The following FCRL5 variants were observed in gnomAD, a reference collection of about 807,000 sequenced individuals.
FCRL5 encodes the protein Fc receptor like 5, also known as Fc receptor-like protein 5.
FCRL5 carries 79 observed loss-of-function variants against 92.1 expected under a neutral mutation model. The ratio of observed to expected loss-of-function variants is 0.86; its 90% confidence interval spans 0.72 to 1.03. The LOEUF (loss-of-function observed/expected upper bound fraction) is 1.03, where lower values mean the gene tolerates loss of function less well. Among genes scored for constraint, FCRL5 ranks in the 50% least tolerant of loss-of-function variants. The pLI is 0.00. For missense variants in FCRL5, 1,160 were observed against 1,181.1 expected (o/e 0.98, Z 0.26); for synonymous variants, 466 against 469.3 (o/e 0.99, Z 0.09).
chr1:157,539,655 A>T (rs906183175), intron 6 of FCRL5, among the ~76,000 whole-genome samples: 28 of 152,246 alleles, frequency 1.8e-4, no homozygotes, highest in Non-Finnish European at 3.5e-4. Context: ...TTACCCTAAC[A>T]GTGTAAATTG....
chr1:157,519,841 G>A, intron 12 of FCRL5, 71 bp from the exon 13 acceptor site: 5 of 1,504,704 alleles, frequency 3.3e-6, no homozygotes, highest in Non-Finnish European at 4.6e-6. Flanking sequence ...CTCAGGCAAG[G>A]CTCACTTAGA....
chr1:157,544,823 G>A lies in FCRL5; in HGVS notation c.559+8C>T, dbSNP rs1448360083. 1 of 1,613,908 alleles carries A rather than the reference G, an allele frequency of 6.2e-7. No individual in the cohort carries two copies. The highest frequency in any genetic ancestry group is 8.5e-7 in the Non-Finnish European group (1 of 1,180,000). Reference sequence around the variant, plus strand: ...CCAACTCACTTCACAAAATAATGAAGGCTTTACCTTGGACTTGGATTTTGA... The same window carrying A: ...CCAACTCACTTCACAAAATAATGAAAGCTTTACCTTGGACTTGGATTTTGA... On this transcript the variant is annotated splice_region_variant and intron_variant, in intron 4 of 16. Transcript: ENST00000361835.
intron 12 of FCRL5, among the ~76,000 whole-genome samples, chr1:157,520,016 C>T (rs1361250696): frequency 6.6e-6 from 1 of 152,190 alleles, no homozygotes; most frequent in African/African-American, 2.4e-5. Flanking sequence ...TAAAGATAAT[C>T]TCCAAGGCAG....
chr1:157,549,973 G>A (rs1231798742), intron 1 of FCRL5, among the ~76,000 whole-genome samples: 2 of 152,116 alleles, frequency 1.3e-5, no homozygotes, highest in African/African-American at 4.8e-5. Flanking sequence ...GTGTGTTTGT[G>A]TGTACATGTG....
In FCRL5 at chr1:157,552,354, C is replaced by A; in HGVS notation, c.9G>T (p.Leu3=). 6.2e-7 allele frequency: 1 copy of A among 1,614,138 alleles called. No homozygotes were observed. The highest frequency in any genetic ancestry group is 8.5e-7 in the Non-Finnish European group (1 of 1,179,996). ML[L]WVILLVLAPV... is the part of the protein sequence containing the mutation. ...CACCCAGGACCAGTAATATCACCCA[C>A]AGCAGCATGAAGACCTGGACCACCA... The change falls in exon 1 of 17, where the codon CTG becomes CTT. Residue 3 remains leucine (L), a synonymous_variant. Transcript: ENST00000361835.
intron 9 of FCRL5, among the ~76,000 whole-genome samples, chr1:157,526,885 T>C (rs1386451498): frequency 2.0e-5 from 3 of 151,876 alleles, no homozygotes; most frequent in African/African-American, 7.3e-5. Flanking sequence ...GGAGATGAAG[T>C]AGTGTATGTA....
At chr1:157,534,509 A>T in intron 8 of FCRL5, 105 bp downstream of exon 8, 4 of 1,357,948 alleles carry the variant, frequency 2.9e-6, no homozygotes, top group Non-Finnish European at 4.2e-6. Context: ...GAAGGGGATT[A>T]AGTTGATTAG....
At chr1:157,536,496 C>A (rs2101626770) in intron 7 of FCRL5, among the ~76,000 whole-genome samples, 1 of 152,340 alleles carries the variant, frequency 6.6e-6, no homozygotes, top group South Asian at 2.1e-4. Context: ...AAACAGGTTG[C>A]TCTATGACCT....
chr1:157,521,002 GC>G lies in FCRL5; in HGVS notation c.2515+14del. 6.3e-7 allele frequency: 1 copy of G among 1,587,316 alleles called. No individual in the cohort carries two copies. The stretch of plus-strand genomic sequence containing the variant: ...CATTTTGTCCGCATCTGTGGCCCGG[GC>G]ACGGGAAACTTACCTGTGATATAAA... On this transcript the variant is annotated intron_variant, in intron 11 of 16. Transcript: ENST00000361835.
At chr1:157,523,514 C>T (rs148812276) in intron 10 of FCRL5, among the ~76,000 whole-genome samples, 148 of 152,310 alleles carry the variant, frequency 9.7e-4, no homozygotes, top group African/African-American at 3.3e-3. Flanking sequence ...GAAGATTCAT[C>T]TCAACACCCC....
At chr1:157,543,276 T>C in intron 5 of FCRL5, 139 bp from the exon 6 acceptor site, 1 of 759,904 alleles carries the variant, frequency 1.3e-6, no homozygotes, top group Non-Finnish European at 2.1e-6. Flanking sequence ...TACCTGCACC[T>C]GCTTCTTGCT....
chr1:157,549,455 A>G, intron 2 of FCRL5, 105 bp downstream of exon 2: 3 of 1,032,946 alleles, frequency 2.9e-6, no homozygotes, highest in Non-Finnish European at 4.3e-6. Context: ...GAAAGAAAAC[A>G]GGAGATATTG....
intron 10 of FCRL5, 82 bp downstream of exon 10, chr1:157,524,197 C>T (rs1650319527): frequency 6.7e-7 from 1 of 1,497,360 alleles, no homozygotes; most frequent in Non-Finnish European, 9.2e-7. Flanking sequence ...CCCTGAGGAG[C>T]TCTGTGGCTC....
intron 5 of FCRL5, among the ~76,000 whole-genome samples, chr1:157,543,684 T>A (rs1165689894): frequency 6.6e-6 from 1 of 152,136 alleles, no homozygotes; most frequent in Non-Finnish European, 1.5e-5. Context: ...ACAGAAGCTG[T>A]TTTTCCCTCA....
intron 10 of FCRL5, chr1:157,522,619 A>T (rs1329010450): frequency 6.6e-6 from 1 of 152,270 alleles, no homozygotes; most frequent in Non-Finnish European, 1.5e-5. Context: ...GACACTGGTT[A>T]TGATGATAAT....
chr1:157,545,651 C>T (rs1351904795), intron 3 of FCRL5, among the ~76,000 whole-genome samples: 1 of 150,810 alleles, frequency 6.6e-6, no homozygotes, highest in Non-Finnish European at 1.5e-5. Context: ...GCCTCAGCCT[C>T]CCGAGTAGCT....
chr1:157,542,831 G>A lies in FCRL5; in HGVS notation c.1123+28C>T, dbSNP rs772212441. On this transcript the variant is annotated intron_variant, in intron 6 of 16. Coordinates refer to ENST00000361835, the MANE Select transcript of FCRL5 (RefSeq NM_031281.3). ...TGAGGCAGGACTCTTGGCCAGGGGTGGGTGATTGGCAGGAATGCAGGGCTT... is the reference window on the plus strand; with the variant it reads ...TGAGGCAGGACTCTTGGCCAGGGGTAGGTGATTGGCAGGAATGCAGGGCTT... The A allele has an allele frequency of 2.5e-6, 4 of 1,596,960 alleles. No individual in the cohort carries two copies. In the Admixed American group the frequency reaches 5.1e-5, roughly 20 times the overall value.
intron 8 of FCRL5, chr1:157,534,204 A>T: frequency 4.0e-6 from 2 of 499,228 alleles, no homozygotes; most frequent in East Asian, 8.7e-5. Flanking sequence ...GCTTTCTCCA[A>T]ATCTACCATA....
At chr1:157,547,298 T>C (rs1387596287) in intron 2 of FCRL5, 101 bp from the exon 3 acceptor site, 2 of 1,461,788 alleles carry the variant, frequency 1.4e-6, no homozygotes, top group African/African-American at 1.4e-5. Context: ...TTGGAGGATC[T>C]GAAAGAGGTC....
Sources: allele counts gnomAD v4.1 joint callset (sites outside exome capture counted in the v4.1 genomes callset), GRCh38; gene constraint gnomAD v4.1.1; transcripts MANE v1.5; gene names NCBI Gene and HGNC (gene_info 2026-07-23, HGNC 2026-07-21).